Variants in PBRM1 observed in about 807,000 individuals in gnomAD.
PBRM1 encodes the protein polybromo 1.
Under a neutral mutation model 194.5 loss-of-function variants are expected in PBRM1, and 27 were observed. The observed-to-expected ratio is 0.14, with a 90% confidence interval of 0.10 to 0.19. The LOEUF is 0.19. Among genes scored for constraint, PBRM1 ranks in the 10% least tolerant of loss-of-function variants. The probability of loss-of-function intolerance (pLI) is 1.00; values close to 1 mark genes in which losing one functional copy is unlikely to be tolerated. For missense variants in PBRM1, 1,466 were observed against 2,077.2 expected (o/e 0.71, Z 5.72); for synonymous variants, 655 against 693.2 (o/e 0.94, Z 0.87).
chr3:52,638,388 T>A (rs2095911609), intron 10 of PBRM1, among the ~76,000 whole-genome samples: 1 of 151,374 alleles, frequency 6.6e-6, no homozygotes, highest in Admixed American at 6.6e-5. Context: ...AGACGGAGTC[T>A]CGCTCTGTCA....
intron 5 of PBRM1, 48 bp downstream of exon 6, chr3:52,658,151 C>T (rs1429589814): frequency 2.2e-6 from 2 of 890,182 alleles, no homozygotes; most frequent in Non-Finnish European, 3.8e-6. Context: ...TCTTGAAGTA[C>T]TAAAAACAAA....
chr3:52,555,490 C>T (rs2082024455), intron 26 of PBRM1, among the ~76,000 whole-genome samples: 1 of 152,166 alleles, frequency 6.6e-6, no homozygotes, highest in Admixed American at 6.5e-5. Flanking sequence ...TAAGAACCAT[C>T]ACAGTGAATG....
Position 52,609,671 on chromosome 3 carries a change from T to A in PBRM1, c.2209A>T (p.Thr737Ser). The change falls in exon 16 of 30, where the codon ACA becomes TCA. Residue 737 changes from threonine (T) to serine (S), a missense_variant. Physicochemically the swap from Thr to Ser is moderately conservative, Grantham distance 58 (BLOSUM62 1). This residue lies in a region of PBRM1 where 687 missense variants were observed against 946.2 expected (regional missense o/e 0.73). Coordinates refer to ENST00000296302, the Ensembl canonical transcript of PBRM1. The surrounding 1 kb of genome is among the most constrained non-coding windows in gnomAD (Gnocchi z 4.1). ...ATCAAAGACTCCGGCTCATTGTATG[T>A]ACAGGCATTATTAAACATCATGACA... The A allele has an allele frequency of 6.2e-7, 1 of 1,613,490 alleles. No individual in the cohort carries two copies.
At chr3:52,670,031 C>A (rs957747717) in intron 2 of PBRM1, among the ~76,000 whole-genome samples, 1 of 149,116 alleles carries the variant, frequency 6.7e-6, no homozygotes, top group African/African-American at 2.4e-5. Context: ...AACTTAATAT[C>A]CAAGATGGTC....
At chr3:52,568,397 A>G (rs563652888) in intron 22 of PBRM1, among the ~76,000 whole-genome samples, 2 of 152,360 alleles carry the variant, frequency 1.3e-5, no homozygotes, top group African/African-American at 4.8e-5. Flanking sequence ...ATCTTTGTCT[A>G]TGATAAACAT....
chr3:52,627,179 A>G (rs773896598), intron 13 of PBRM1, 94 bp downstream of exon 14: 2 of 668,650 alleles, frequency 3.0e-6, no homozygotes, highest in Non-Finnish European at 5.2e-6. Flanking sequence ...TAAAGCTTAC[A>G]ACTTGATAGC....
At chr3:52,604,866 A>G (rs1427861618) in intron 16 of PBRM1, among the ~76,000 whole-genome samples, 1 of 151,998 alleles carries the variant, frequency 6.6e-6, no homozygotes, top group Non-Finnish European at 1.5e-5. Context: ...AGGCAGGACA[A>G]TCACTTGAAC....
chr3:52,644,158 G>T (rs1222348289), intron 8 of PBRM1, among the ~76,000 whole-genome samples: 1 of 151,558 alleles, frequency 6.6e-6, no homozygotes, highest in Non-Finnish European at 1.5e-5. Context: ...ATTCATATTT[G>T]TACAAAGCAA....
Position 52,563,496 on chromosome 3 carries a change from GA to G in PBRM1, c.3876-4del. On this transcript the variant is annotated splice_region_variant and splice_polypyrimidine_tract_variant and intron_variant, in intron 23 of 29. Transcript: ENST00000296302. Reference sequence around the variant, plus strand: ...CCTTCTGAGGAACAATTGGTTTTCTGAAAAAAGTGACATAAAAAACCTAAAA... The same window carrying G: ...CCTTCTGAGGAACAATTGGTTTTCTGAAAAAGTGACATAAAAAACCTAAAA... 1 of 1,611,242 alleles carries G rather than the reference GA, an allele frequency of 6.2e-7. No individual in the cohort carries two copies. Among genetic ancestry groups the G allele is most frequent in the Non-Finnish European group, 8.5e-7 (1 of 1,177,836 alleles).
chr3:52,572,551 T>A (rs549386598), intron 22 of PBRM1, among the ~76,000 whole-genome samples: 27 of 152,254 alleles, frequency 1.8e-4, no homozygotes, highest in African/African-American at 6.3e-4. Context: ...TTTTTTTGTA[T>A]TTTTAGTAGA....
intron 13 of PBRM1, 43 bp downstream of exon 14, chr3:52,627,230 T>C: frequency 9.2e-7 from 1 of 1,082,326 alleles, no homozygotes; most frequent in Non-Finnish European, 1.4e-6. Context: ...AAAACAAAAT[T>C]AACAGGAACT....
intron 11 of PBRM1, among the ~76,000 whole-genome samples, chr3:52,631,673 T>A (rs1473738607): frequency 6.6e-6 from 1 of 152,204 alleles, no homozygotes; most frequent in Non-Finnish European, 1.5e-5. Context: ...GGATTACAGA[T>A]GTGAGCCACC....
At chr3:52,565,198 C>CA (rs199520988) in intron 22 of PBRM1, among the ~76,000 whole-genome samples, 2,534 of 142,720 alleles carry the variant, frequency 0.018, 79 homozygotes, top group African/African-American at 0.059. Context: ...GACTCCGTCT[C>CA]AAAAAAAAAA....
At chr3:52,679,664 G>T (rs751747102) in exon 1 of PBRM1, 1 of 1,613,554 alleles carries the variant, frequency 6.2e-7, no homozygotes, top group Non-Finnish European at 8.5e-7. Flanking sequence ...CAAAGTCCCC[G>T]CTGACACTGC....
At position 52,627,268 on chromosome 3, in the gene PBRM1, T is replaced by A; in HGVS notation, c.1541+5A>T. On this transcript the variant is annotated splice_donor_5th_base_variant and intron_variant, in intron 13 of 29. Transcript: ENST00000296302. Reference sequence around the variant, plus strand: ...GATGTCCCCAGCTATAAGAAGAGTATATACCTTTTTCTTTTGGCACTACCA... The same window carrying A: ...GATGTCCCCAGCTATAAGAAGAGTAAATACCTTTTTCTTTTGGCACTACCA... The A allele has an allele frequency of 1.3e-6, 2 of 1,533,452 alleles. No individual in the cohort carries two copies. Among genetic ancestry groups the A allele is most frequent in the Non-Finnish European group, 9.0e-7 (1 of 1,106,438 alleles). The allele number at this position is 1,533,452 out of a possible 1,614,324, so 95.0% of individuals were successfully genotyped here.
At chr3:52,674,602 C>G (rs1450802252) in intron 2 of PBRM1, among the ~76,000 whole-genome samples, 2 of 128,510 alleles carry the variant, frequency 1.6e-5, no homozygotes, top group Non-Finnish European at 3.2e-5. Flanking sequence ...CCAGCCTGGG[C>G]AACACAGGGA....
At chr3:52,586,881 CTTA>C (rs938880323) in intron 19 of PBRM1, among the ~76,000 whole-genome samples, 193 bp from the exon 22 acceptor site, 3 of 151,620 alleles carry the variant, frequency 2.0e-5, no homozygotes, top group Non-Finnish European at 4.4e-5. Context: ...ACGGAATGGA[CTTA>C]TTATATACAC....
intron 11 of PBRM1, among the ~76,000 whole-genome samples, chr3:52,629,610 T>C (rs1415740599): frequency 6.6e-6 from 1 of 152,220 alleles, no homozygotes; most frequent in Non-Finnish European, 1.5e-5. Context: ...CATAATAACT[T>C]GGCAGCTTAA....
intron 5 of PBRM1, among the ~76,000 whole-genome samples, chr3:52,652,716 G>A (rs954763816): frequency 8.7e-5 from 13 of 148,980 alleles, no homozygotes; most frequent in Admixed American, 6.1e-4. Flanking sequence ...ATCTAAATTC[G>A]GCAAGGCGCG....
Sources: gnomAD v4.1 joint callset for allele counts (sites outside exome capture counted in the v4.1 genomes callset) on GRCh38, gnomAD v4.1.1 for gene constraint, gnomAD v4.1.1 regional missense constraint, Gnocchi (gnomAD v3.1) non-coding constraint, MANE v1.5 for transcripts, NCBI Gene and HGNC (gene_info 2026-07-23, HGNC 2026-07-21) for gene names.